The following PKP1 variants were observed in gnomAD, a reference collection of about 807,000 sequenced individuals.
The protein encoded by PKP1 is plakophilin 1.
A neutral mutation model predicts 76.4 loss-of-function variants in PKP1; 27 were observed. The ratio of observed to expected loss-of-function variants is 0.35; its 90% confidence interval spans 0.26 to 0.49. The LOEUF (loss-of-function observed/expected upper bound fraction) is 0.49. Ranked by LOEUF, PKP1 falls within the 20% of genes least tolerant of loss-of-function variation. The probability of loss-of-function intolerance (pLI) is 0.99; values close to 1 mark genes in which losing one functional copy is unlikely to be tolerated. For synonymous variants in PKP1, 404 were observed against 384.2 expected (o/e 1.05, Z -0.60); for missense variants, 964 against 955.2 (o/e 1.01, Z -0.12).
intron 6 of PKP1, among the ~76,000 whole-genome samples, chr1:201,319,424 T>C (rs1656870562): frequency 6.6e-6 from 1 of 152,162 alleles, no homozygotes; most frequent in Non-Finnish European, 1.5e-5. Context: ...GGGTTTGTCT[T>C]GCTTTAATGG....
chr1:201,319,890 G>C, intron 6 of PKP1: 1 of 1,613,846 alleles, frequency 6.2e-7, no homozygotes, highest in African/African-American at 1.3e-5. Context: ...TGAGCCTTGG[G>C]ATGCAGCTGC....
Position 201,283,664 on chromosome 1 carries a change from T to C in PKP1, c.-39T>C. 1 of 1,582,244 alleles carries C rather than the reference T, an allele frequency of 6.3e-7. No homozygotes were observed. On this transcript the variant is annotated 5_prime_UTR_variant, in exon 1 of 14. Transcript: ENST00000367324. ...CGCACCTCGCCTCGCCTCTCTGCTC[T>C]CCTAGGCCCCGGCCGCGCGCCACCC...
At position 201,289,560 on chromosome 1, in the gene PKP1, T is replaced by G. The variant is rs78414193; in HGVS notation, c.203-4382T>G. 5.8e-3 allele frequency among the ~76,000 whole-genome samples: 890 copies of G among 152,266 alleles called. 9 individuals carry two copies. Among genetic ancestry groups the G allele is most frequent in the African/African-American group, 0.021 (865 of 41,546 alleles). The stretch of plus-strand genomic sequence containing the variant: ...CAGGAAGGCTGATGTCCTGAGAGCC[T>G]TCTCTATGTAGAACCTGGGCCTGGG... On this transcript the variant is annotated intron_variant, in intron 1 of 13. Coordinates refer to ENST00000367324, the MANE Select transcript of PKP1 (RefSeq NM_001005337.3).
chr1:201,308,874 G>T (rs1024543001), intron 2 of PKP1, among the ~76,000 whole-genome samples: 1 of 152,188 alleles, frequency 6.6e-6, no homozygotes, highest in African/African-American at 2.4e-5. Flanking sequence ...GGGCTGGGCA[G>T]GGGCCAGTGG....
intron 4 of PKP1, 142 bp downstream of exon 4, chr1:201,316,839 C>CCAGCTCTAACCTTGGG: frequency 2.3e-6 from 2 of 859,752 alleles, no homozygotes; most frequent in Non-Finnish European, 3.8e-6. Context: ...TTCGCATTGC[C>CCAGCTCTAACCTTGGG]CAAGGTTAGA....
At position 201,311,476 on chromosome 1, in the gene PKP1, G is replaced by A. The variant is rs1430524810; in HGVS notation, c.307-1690G>A. On this transcript the variant is annotated intron_variant, in intron 2 of 13. Transcript: ENST00000367324. ...AGGCTATTGCCAAGGTTAACAGTCT[G>A]TGGCTTCTGAGTTTTGGATGCAACT... Among the ~76,000 whole-genome samples the A allele has an allele frequency of 2.0e-5, 3 of 152,282 alleles. No individual in the cohort carries two copies. The East Asian group carries it at 5.8e-4, about 29-fold the overall frequency.
intron 2 of PKP1, among the ~76,000 whole-genome samples, chr1:201,299,739 G>A (rs1656171094): frequency 6.6e-6 from 1 of 152,224 alleles, no homozygotes. Flanking sequence ...TGAAAAGATG[G>A]TAGGACTTCA....
In PKP1 at chr1:201,317,624, A is replaced by C. The variant is rs552414505; in HGVS notation, c.899A>C (p.Asn300Thr). ...CKLVDLLRSP[N>T]QNVQQAAAGA... ...CTGGTGGACCTCCTCCGCAGCCCCA[A>C]CCAGAACGTCCAGCAGGCCGCGGCA... The change falls in exon 5 of 14, where the codon AAC becomes ACC. Residue 300 changes from asparagine to threonine, a missense_variant. Physicochemically the swap from Asn to Thr is moderately conservative, Grantham distance 65. Coordinates refer to ENST00000367324, the MANE Select transcript of PKP1 (RefSeq NM_001005337.3). 207 of 1,613,972 alleles carry C rather than the reference A, an allele frequency of 1.3e-4. No homozygotes were observed. In the East Asian group the frequency reaches 3.8e-3, roughly 29 times the overall value.
intron 1 of PKP1, among the ~76,000 whole-genome samples, chr1:201,292,511 C>A (rs1427604937): frequency 6.6e-6 from 1 of 152,142 alleles, no homozygotes; most frequent in Admixed American, 6.5e-5. Context: ...GGTGACCTGG[C>A]GCTGGACAGG....
chr1:201,292,695 T>A (rs1319890056), intron 1 of PKP1, among the ~76,000 whole-genome samples: 1 of 152,124 alleles, frequency 6.6e-6, no homozygotes, highest in African/African-American at 2.4e-5. Flanking sequence ...ACTGCCCAAC[T>A]CTCTTCCCCA....
intron 2 of PKP1, among the ~76,000 whole-genome samples, chr1:201,311,002 G>C (rs832153): frequency 0.89 from 135,805 of 152,296 alleles, 61,070 homozygotes; most frequent in East Asian, 1. Context: ...ATGATCACAT[G>C]TTTGCTGGTT....
At chr1:201,290,107 C>T (rs534675732) in intron 1 of PKP1, among the ~76,000 whole-genome samples, 6 of 152,264 alleles carry the variant, frequency 3.9e-5, no homozygotes, top group Middle Eastern at 3.4e-3. Context: ...ATCAGCCTGT[C>T]GTTGTCTAAG....
chr1:201,285,365 G>T, intron 1 of PKP1, among the ~76,000 whole-genome samples: 1 of 151,860 alleles, frequency 6.6e-6, no homozygotes, highest in East Asian at 1.9e-4. Context: ...AAAATGGCCG[G>T]CAGAGGACTT....
chr1:201,302,418 A>C (rs762845098), intron 2 of PKP1, among the ~76,000 whole-genome samples: 27 of 152,158 alleles, frequency 1.8e-4, no homozygotes, highest in Non-Finnish European at 3.1e-4. Context: ...CAAGTTTCGA[A>C]GCCAGCAAGC....
intron 2 of PKP1, among the ~76,000 whole-genome samples, chr1:201,303,158 A>G (rs543187274): frequency 6.6e-6 from 1 of 152,362 alleles, no homozygotes; most frequent in East Asian, 1.9e-4. Flanking sequence ...GGAATTACTT[A>G]TCAGTTCCAC....
At position 201,298,410 on chromosome 1, in the gene PKP1, A is replaced by G. The variant is rs1215246844; in HGVS notation, c.306+4365A>G. ...TAAGATGACACTCCTTTTGTCTATC[A>G]TCTTCAGCTCCAAAGGGTTTACTTA... On this transcript the variant is annotated intron_variant, in intron 2 of 13. Transcript: ENST00000367324. Among the ~76,000 whole-genome samples the G allele has an allele frequency of 4.6e-5, 7 of 152,198 alleles. No individual in the cohort carries two copies. The East Asian group carries it at 9.6e-4, about 21-fold the overall frequency.
chr1:201,302,917 G>A (rs1420426106), intron 2 of PKP1, among the ~76,000 whole-genome samples: 1 of 152,240 alleles, frequency 6.6e-6, no homozygotes, highest in Non-Finnish European at 1.5e-5. Context: ...TGTGGTTGGG[G>A]AAACTGAGGT....
At chr1:201,309,169 G>A (rs1348960852) in intron 2 of PKP1, among the ~76,000 whole-genome samples, 1 of 151,900 alleles carries the variant, frequency 6.6e-6, no homozygotes, top group Non-Finnish European at 1.5e-5. Context: ...CACTGAGACT[G>A]TCTCCTTGCC....
Position 201,293,921 on chromosome 1 carries a change from A to G in PKP1, c.203-21A>G, listed in dbSNP as rs758309796. ...GAAGATCATGGCCATCCCTGTCCTA[A>G]TCCCCTCCTTTCTCCTCTAGGTTCC... On this transcript the variant is annotated intron_variant, in intron 1 of 13. Coordinates refer to ENST00000367324, the MANE Select transcript of PKP1 (RefSeq NM_001005337.3). 7.2e-6 allele frequency: 11 copies of G among 1,536,636 alleles called. No homozygotes were observed. In the South Asian group the frequency reaches 1.3e-4, roughly 18 times the overall value.
Sources: gnomAD v4.1 joint callset for allele counts (sites outside exome capture counted in the v4.1 genomes callset) on GRCh38, gnomAD v4.1.1 for gene constraint, MANE v1.5 for transcripts, NCBI Gene and HGNC (gene_info 2026-07-23, HGNC 2026-07-21) for gene names.